The following SGMS2 variants were observed in gnomAD, a reference collection of about 807,000 sequenced individuals.
SGMS2 encodes sphingomyelin synthase 2, also known as phosphatidylcholine:ceramide cholinephosphotransferase 2.
SGMS2 carries 21 observed loss-of-function variants against 43.8 expected under a neutral mutation model. That is an observed-to-expected ratio of 0.48 (90% confidence interval 0.34 to 0.69). The LOEUF (loss-of-function observed/expected upper bound fraction) is 0.69, where lower values mean the gene tolerates loss of function less well. SGMS2 is among the 30% of genes least tolerant of loss of function. The pLI is 0.01. For missense variants in SGMS2, 384 were observed against 443.2 expected (o/e 0.87, Z 1.20); for synonymous variants, 167 against 160.6 (o/e 1.04, Z -0.30).
intron 2 of SGMS2, among the ~76,000 whole-genome samples, chr4:107,891,429 C>A (rs1451922064): frequency 6.6e-6 from 1 of 152,118 alleles, no homozygotes; most frequent in East Asian, 1.9e-4. Flanking sequence ...AGACAAACCC[C>A]AATTTAGTTA....
At position 107,847,829 on chromosome 4, in the gene SGMS2, A is replaced by G. The variant is rs1373310747; in HGVS notation, c.-326-10643A>G. 2.6e-5 allele frequency among the ~76,000 whole-genome samples: 4 copies of G among 152,184 alleles called. No homozygotes were observed. In the East Asian group the frequency reaches 7.7e-4, roughly 29 times the overall value. On this transcript the variant is annotated intron_variant, in intron 1 of 6. Coordinates refer to ENST00000690982, the MANE Select transcript of SGMS2 (RefSeq NM_001375905.1). The stretch of plus-strand genomic sequence containing the variant: ...AGTTTCAGATTTACAGAAACAATGA[A>G]CAGAAAGTACTGAGTTCCCATAAGC...
intron 3 of SGMS2, among the ~76,000 whole-genome samples, chr4:107,899,071 C>T (rs1345740472): frequency 6.6e-6 from 1 of 152,188 alleles, no homozygotes; most frequent in East Asian, 1.9e-4. Flanking sequence ...GCTTATATAC[C>T]GTGGGCTAAA....
At chr4:107,891,039 G>A (rs1044131842) in intron 2 of SGMS2, among the ~76,000 whole-genome samples, 2 of 151,966 alleles carry the variant, frequency 1.3e-5, no homozygotes, top group Non-Finnish European at 2.9e-5. Context: ...CAAAAAGGTG[G>A]CTTTGTTATG....
intron 2 of SGMS2, among the ~76,000 whole-genome samples, chr4:107,883,553 T>C (rs1211068208): frequency 1.3e-5 from 2 of 152,210 alleles, no homozygotes; most frequent in Non-Finnish European, 1.5e-5. Context: ...TGACTTCAGG[T>C]GATCTGCCTA....
intron 1 of SGMS2, among the ~76,000 whole-genome samples, chr4:107,853,909 T>G (rs1004168867): frequency 3.3e-5 from 5 of 152,334 alleles, no homozygotes; most frequent in African/African-American, 1.2e-4. Flanking sequence ...TCTCCAAGAA[T>G]GCACAGGAGT....
chr4:107,839,365 C>A (rs554276185), intron 1 of SGMS2, among the ~76,000 whole-genome samples: 1 of 151,390 alleles, frequency 6.6e-6, no homozygotes, highest in South Asian at 2.1e-4. Context: ...GCTACCAGGG[C>A]TGTGTGGAAG....
In SGMS2 at chr4:107,910,788, G is replaced by A. The variant is rs149845088; in HGVS notation, c.*235G>A. 9 of 476,360 alleles carry A rather than the reference G, an allele frequency of 1.9e-5. No individual in the cohort carries two copies. Among genetic ancestry groups the A allele is most frequent in the African/African-American group, 7.8e-5 (4 of 51,192 alleles). 29.5% of individuals were successfully genotyped at this position (476,360 alleles called of 1,614,324 possible). A position where few individuals can be genotyped will look rare whatever the true frequency, so the allele number is the denominator to read the frequency against. Reference sequence around the variant, plus strand: ...TTCATTGGTGACAAGCCCCCACCCCGGGACTTTACTAATGAGCTTGTTAAA... The same window carrying A: ...TTCATTGGTGACAAGCCCCCACCCCAGGACTTTACTAATGAGCTTGTTAAA... On this transcript the variant is annotated 3_prime_UTR_variant, in exon 7 of 7. Transcript: ENST00000690982.
chr4:107,905,342 C>A (rs1237365503), intron 5 of SGMS2, among the ~76,000 whole-genome samples: 2 of 152,148 alleles, frequency 1.3e-5, no homozygotes, highest in Admixed American at 1.3e-4. Flanking sequence ...ATGGGGGAAA[C>A]CACCCCCATG....
chr4:107,868,849 G>C (rs1215197283), intron 2 of SGMS2, among the ~76,000 whole-genome samples: 1 of 151,970 alleles, frequency 6.6e-6, no homozygotes, highest in Admixed American at 6.6e-5. Flanking sequence ...CCTGCCTTTA[G>C]CACCCCTGGA....
intron 5 of SGMS2, among the ~76,000 whole-genome samples, chr4:107,904,776 T>C (rs1320487542): frequency 1.3e-5 from 2 of 152,176 alleles, no homozygotes; most frequent in Admixed American, 1.3e-4. Context: ...ATTTCTAATA[T>C]TGAGTTATTG....
In SGMS2 at chr4:107,913,883, T is replaced by G. The variant is rs1182872740; in HGVS notation, c.*3330T>G. 2 of 152,294 alleles carry G rather than the reference T, an allele frequency of 1.3e-5. No homozygotes were observed. The highest frequency in any genetic ancestry group is 2.9e-5 in the Non-Finnish European group (2 of 68,006). 9.4% of individuals were successfully genotyped at this position (152,294 alleles called of 1,614,324 possible). Reference sequence around the variant, plus strand: ...AGTTCACATCTTGCCCCTTGAATAGTTTGAACATTTCTTTCTTAATTCTTT... The same window carrying G: ...AGTTCACATCTTGCCCCTTGAATAGGTTGAACATTTCTTTCTTAATTCTTT... On this transcript the variant is annotated 3_prime_UTR_variant, in exon 7 of 7. Transcript: ENST00000690982.
chr4:107,872,490 C>T (rs1046247243), intron 2 of SGMS2, among the ~76,000 whole-genome samples: 1 of 152,094 alleles, frequency 6.6e-6, no homozygotes, highest in Non-Finnish European at 1.5e-5. Context: ...ATAGTTGGCA[C>T]TCACTAAATA....
chr4:107,891,951 G>T lies in SGMS2; in HGVS notation c.-244-3359G>T, dbSNP rs368218781. On this transcript the variant is annotated intron_variant, in intron 2 of 6. Transcript: ENST00000690982. ...TGGCAGTAACCTGTGCAAGCTTCCA[G>T]CTTGCTTATCTATGTCTGCAGCTCA... 3.8e-4 allele frequency among the ~76,000 whole-genome samples: 58 copies of T among 152,172 alleles called. 1 individual carries two copies. The highest frequency in any genetic ancestry group is 1.3e-3 in the African/African-American group (52 of 41,528).
chr4:107,848,033 T>C (rs1726932363), intron 1 of SGMS2, among the ~76,000 whole-genome samples: 1 of 152,170 alleles, frequency 6.6e-6, no homozygotes, highest in African/African-American at 2.4e-5. Flanking sequence ...CTATACAGAA[T>C]AGTTTCACTG....
At chr4:107,828,019 T>C (rs1401751729) in intron 1 of SGMS2, among the ~76,000 whole-genome samples, 1 of 152,030 alleles carries the variant, frequency 6.6e-6, no homozygotes, top group Non-Finnish European at 1.5e-5. Context: ...AAAAGATTTA[T>C]TTGCTGTGAA....
chr4:107,849,982 T>C (rs1363147464), intron 1 of SGMS2, among the ~76,000 whole-genome samples: 2 of 152,188 alleles, frequency 1.3e-5, no homozygotes, highest in Non-Finnish European at 2.9e-5. Flanking sequence ...ATCCCCAGTA[T>C]TGGATGTGGG....
chr4:107,826,013 C>T (rs1438297131), intron 1 of SGMS2, among the ~76,000 whole-genome samples: 5 of 152,182 alleles, frequency 3.3e-5, no homozygotes, highest in Non-Finnish European at 7.3e-5. Context: ...GGTTTTCAAT[C>T]TGTACCTAAC....
At chr4:107,851,675 G>A (rs1727154270) in intron 1 of SGMS2, among the ~76,000 whole-genome samples, 2 of 151,956 alleles carry the variant, frequency 1.3e-5, no homozygotes, top group Admixed American at 1.3e-4. Flanking sequence ...AAGCAAGAAG[G>A]GCAGCTTCTC....
At chr4:107,903,939 G>T (rs1274090516) in intron 5 of SGMS2, among the ~76,000 whole-genome samples, 1 of 151,988 alleles carries the variant, frequency 6.6e-6, no homozygotes, top group African/African-American at 2.4e-5. Context: ...TGCCAATACC[G>T]ATTATTTTCT....
Sources: gnomAD v4.1 joint callset for allele counts (sites outside exome capture counted in the v4.1 genomes callset) on GRCh38, gnomAD v4.1.1 for gene constraint, MANE v1.5 for transcripts, NCBI Gene and HGNC (gene_info 2026-07-23, HGNC 2026-07-21) for gene names.